CSMD1: variants seen among roughly 807,000 people sequenced by gnomAD.
The protein encoded by CSMD1 is CUB and sushi domain-containing protein 1.
Under a neutral mutation model 417.5 loss-of-function variants are expected in CSMD1, and 213 were observed. The ratio of observed to expected loss-of-function variants is 0.51; its 90% confidence interval spans 0.46 to 0.57. The LOEUF is 0.57. CSMD1 is among the 20% of genes least tolerant of loss of function. CSMD1 has a pLI of 0.00. For synonymous variants in CSMD1, 2,862 were observed against 1,736.8 expected (o/e 1.65, Z -16.11); for missense variants, 6,923 against 4,529.7 (o/e 1.53, Z -15.17).
At chr8:4,008,513 T>C (rs1816302770) in intron 4 of CSMD1, among the ~76,000 whole-genome samples, 1 of 151,202 alleles carries the variant, frequency 6.6e-6, no homozygotes, top group African/African-American at 2.4e-5. Flanking sequence ...AGAACAAAAC[T>C]TGAAGTTATT....
At chr8:3,603,026 C>A (rs778142815) in intron 8 of CSMD1, among the ~76,000 whole-genome samples, 15 of 152,254 alleles carry the variant, frequency 9.9e-5, no homozygotes, top group African/African-American at 3.4e-4. Flanking sequence ...TCCACCAGCC[C>A]TATTTGGTGA....
chr8:3,903,825 C>T (rs929401350), intron 5 of CSMD1, among the ~76,000 whole-genome samples: 1 of 152,134 alleles, frequency 6.6e-6, no homozygotes, highest in African/African-American at 2.4e-5. Flanking sequence ...TTTCTTCGAG[C>T]TCTGAGGTCT....
At chr8:4,238,293 T>C (rs570428852) in intron 3 of CSMD1, among the ~76,000 whole-genome samples, 59 of 152,166 alleles carry the variant, frequency 3.9e-4, no homozygotes, top group Non-Finnish European at 7.3e-4. Flanking sequence ...ATGAATGTGC[T>C]TCCTCCTTCT....
intron 5 of CSMD1, among the ~76,000 whole-genome samples, chr8:3,791,775 G>C (rs1313493726): frequency 1.3e-5 from 2 of 152,036 alleles, no homozygotes; most frequent in African/African-American, 4.8e-5. Flanking sequence ...GTGAGCCGAC[G>C]TCGCAGCACT....
Position 2,937,301 on chromosome 8 carries a change from G to A in CSMD1, c.*1284C>T, listed in dbSNP as rs933340376. The A allele has an allele frequency of 1.3e-5, 2 of 152,120 alleles. No individual in the cohort carries two copies. Among genetic ancestry groups the A allele is most frequent in the Admixed American group, 1.3e-4 (2 of 15,276 alleles). 9.4% of individuals were successfully genotyped at this position (152,120 alleles called of 1,614,324 possible). On this transcript the variant is annotated 3_prime_UTR_variant, in exon 70 of 70. Transcript: ENST00000635120. ...TATAAAATATATCATTGTGAGAGGA[G>A]AGTGTGTGTACTTTTTCCTTCCCTC... is the stretch of plus-strand genomic sequence containing the variant.
chr8:4,960,839 CATCAT>C (rs1487755757), intron 1 of CSMD1, among the ~76,000 whole-genome samples: 3 of 152,078 alleles, frequency 2.0e-5, no homozygotes, highest in Non-Finnish European at 4.4e-5. Flanking sequence ...AATTCATTTA[CATCAT>C]AAGTTATATA....
At chr8:4,115,517 C>G (rs979067475) in intron 3 of CSMD1, among the ~76,000 whole-genome samples, 23 of 152,120 alleles carry the variant, frequency 1.5e-4, no homozygotes, top group African/African-American at 5.5e-4. Context: ...CTTGAAAAAA[C>G]GTAGGATTCT....
chr8:3,514,021 A>C (rs1471990747), intron 10 of CSMD1, among the ~76,000 whole-genome samples: 1 of 152,176 alleles, frequency 6.6e-6, no homozygotes, highest in Non-Finnish European at 1.5e-5. Flanking sequence ...ACAGAAAAAT[A>C]ATTTTCTTAT....
At chr8:4,373,045 C>G (rs572656206) in intron 3 of CSMD1, among the ~76,000 whole-genome samples, 109 of 152,294 alleles carry the variant, frequency 7.2e-4, no homozygotes, top group Admixed American at 3.1e-3. Flanking sequence ...CAGTGTATAA[C>G]CCTGATTTGA....
chr8:4,822,869 C>T (rs1209825547), intron 1 of CSMD1, among the ~76,000 whole-genome samples: 1 of 152,036 alleles, frequency 6.6e-6, no homozygotes, highest in Non-Finnish European at 1.5e-5. Flanking sequence ...TTGTCTTTTT[C>T]ATAATATGTT....
intron 26 of CSMD1, among the ~76,000 whole-genome samples, chr8:3,254,434 T>G (rs1800495408): frequency 6.6e-6 from 1 of 152,218 alleles, no homozygotes; most frequent in Non-Finnish European, 1.5e-5. Flanking sequence ...CTTGCTAGAT[T>G]GGGGAAGTTC....
At chr8:4,758,215 C>G (rs984849174) in intron 1 of CSMD1, among the ~76,000 whole-genome samples, 1 of 152,030 alleles carries the variant, frequency 6.6e-6, no homozygotes, top group Admixed American at 6.6e-5. Flanking sequence ...TGATGCTGTT[C>G]CTGTCTTTAT....
At position 2,966,764 on chromosome 8, in the gene CSMD1, A is replaced by T. The variant is rs1563189532; in HGVS notation, c.8924-18T>A. The T allele has an allele frequency of 1.2e-6, 2 of 1,609,650 alleles. No homozygotes were observed. Among genetic ancestry groups the T allele is most frequent in the Admixed American group, 3.4e-5 (2 of 59,524 alleles). ...GGACACGGCTGTTAGGCAAACAAGA[A>T]CACCACCACACACAGTGAGTGACCC... On this transcript the variant is annotated intron_variant, in intron 57 of 69. Coordinates refer to ENST00000635120, the MANE Select transcript of CSMD1 (RefSeq NM_033225.6).
At chr8:3,696,172 T>A (rs1188098748) in intron 7 of CSMD1, among the ~76,000 whole-genome samples, 1 of 152,204 alleles carries the variant, frequency 6.6e-6, no homozygotes, top group African/African-American at 2.4e-5. Context: ...TCTTCGGATG[T>A]CACATGGTTG....
In CSMD1 at chr8:3,230,181, G is replaced by T; in HGVS notation, c.4204C>A (p.Arg1402Ser). The T allele has an allele frequency of 6.2e-7, 1 of 1,611,726 alleles. No homozygotes were observed. The highest frequency in any genetic ancestry group is 8.5e-7 in the Non-Finnish European group (1 of 1,178,882). ...CCAGCCTCTCTGCTGTCTCCATAGC[G>T]GGTGCCATTTTGGGGCATACCTGGA... ...NDPGMPQNGTRYGDSREAGDT... is the reference protein window; with the variant it reads ...NDPGMPQNGTSYGDSREAGDT... The change falls in exon 27 of 70, where the codon CGC becomes AGC. Residue 1402 changes from arginine to serine, a missense_variant. Transcript: ENST00000635120.
At chr8:3,131,256 G>T (rs1817776609) in intron 41 of CSMD1, among the ~76,000 whole-genome samples, 1 of 151,846 alleles carries the variant, frequency 6.6e-6, no homozygotes, top group Admixed American at 6.6e-5. Context: ...AAACCATGGT[G>T]TAGTAACATT....
intron 5 of CSMD1, among the ~76,000 whole-genome samples, chr8:3,902,452 A>ATT (rs548451464): frequency 2.2e-4 from 34 of 151,530 alleles, no homozygotes; most frequent in African/African-American, 6.5e-4. Context: ...CATGAAAGAC[A>ATT]TTTTTTTTTC....
intron 10 of CSMD1, among the ~76,000 whole-genome samples, chr8:3,501,404 T>A (rs2117343321): frequency 6.6e-6 from 1 of 152,352 alleles, no homozygotes; most frequent in Middle Eastern, 3.4e-3. Context: ...ATAACATGTT[T>A]GTGTCAGAAA....
intron 3 of CSMD1, among the ~76,000 whole-genome samples, chr8:4,244,060 C>G (rs1802553629): frequency 6.6e-6 from 1 of 152,178 alleles, no homozygotes; most frequent in Admixed American, 6.5e-5. Context: ...TGTTAAAGTG[C>G]AGGTAGTCCT....
Sources: gnomAD v4.1 joint callset for allele counts (sites outside exome capture counted in the v4.1 genomes callset) on GRCh38, gnomAD v4.1.1 for gene constraint, MANE v1.5 for transcripts, NCBI Gene and HGNC (gene_info 2026-07-23, HGNC 2026-07-21) for gene names.